AFAP1L1: variants seen among roughly 807,000 people sequenced by gnomAD.
The protein encoded by AFAP1L1 is actin filament associated protein 1 like 1, also known as actin filament-associated protein 1-like 1.
Under a neutral mutation model 99.8 loss-of-function variants are expected in AFAP1L1, and 77 were observed. That is an observed-to-expected ratio of 0.77 (90% CI 0.64 to 0.93). AFAP1L1 has a LOEUF of 0.93. Ranked by LOEUF, AFAP1L1 falls within the 40% of genes least tolerant of loss-of-function variation. AFAP1L1 has a pLI of 0.00. For synonymous variants in AFAP1L1, 373 were observed against 395.3 expected, an observed-to-expected ratio of 0.94 and a Z score of 0.67; for missense variants, 893 against 996.8, an observed-to-expected ratio of 0.90 and a Z score of 1.40.
intron 17 of AFAP1L1, among the ~76,000 whole-genome samples, chr5:149,333,344 G>A (rs1757311361): frequency 6.6e-6 from 1 of 152,220 alleles, no homozygotes; most frequent in Non-Finnish European, 1.5e-5. Flanking sequence ...TGAAGTGGGA[G>A]ACGGGATTCC....
At chr5:149,315,073 G>A (rs940231226) in intron 9 of AFAP1L1, among the ~76,000 whole-genome samples, 5 of 152,194 alleles carry the variant, frequency 3.3e-5, no homozygotes, top group Non-Finnish European at 7.3e-5. Flanking sequence ...TGGTAAGAGA[G>A]TCATCATTGC....
chr5:149,339,813 A>G (rs771757552), intron 18 of AFAP1L1, among the ~76,000 whole-genome samples, 194 bp from the exon 19 acceptor site: 1 of 152,208 alleles, frequency 6.6e-6, no homozygotes, highest in Non-Finnish European at 1.5e-5. Flanking sequence ...TATGTTGAGA[A>G]TGGATGAAGG....
chr5:149,329,229 C>T, intron 15 of AFAP1L1, among the ~76,000 whole-genome samples: 1 of 152,152 alleles, frequency 6.6e-6, no homozygotes, highest in East Asian at 1.9e-4. Context: ...TTTCATTAAT[C>T]ATCTCATTTA....
chr5:149,338,405 A>C (rs1757467769), intron 18 of AFAP1L1, among the ~76,000 whole-genome samples: 1 of 152,184 alleles, frequency 6.6e-6, no homozygotes, highest in African/African-American at 2.4e-5. Context: ...GGGTGAGGCT[A>C]CAGTGAGCCC....
At chr5:149,317,030 T>C (rs1756817094) in intron 11 of AFAP1L1, among the ~76,000 whole-genome samples, 1 of 151,750 alleles carries the variant, frequency 6.6e-6, no homozygotes, top group Non-Finnish European at 1.5e-5. Flanking sequence ...CCAGGCATGG[T>C]GGTGTATGCC....
chr5:149,299,785 C>A (rs980881896), intron 2 of AFAP1L1, 148 bp downstream of exon 2: 8 of 1,288,604 alleles, frequency 6.2e-6, no homozygotes, highest in Admixed American at 2.6e-5. Flanking sequence ...CTGGACACAG[C>A]GTCCAATGCA....
chr5:149,316,740 A>C (rs1756809931), intron 11 of AFAP1L1, among the ~76,000 whole-genome samples: 1 of 152,370 alleles, frequency 6.6e-6, no homozygotes, highest in South Asian at 2.1e-4. Context: ...ATGTGAATTA[A>C]AGGTGATTTG....
At chr5:149,331,506 G>T (rs1187790334) in intron 16 of AFAP1L1, among the ~76,000 whole-genome samples, 2 of 151,854 alleles carry the variant, frequency 1.3e-5, no homozygotes, top group East Asian at 3.9e-4. Flanking sequence ...TGTAGTCCCA[G>T]CTACTCAGGA....
Position 149,312,176 on chromosome 5 carries a change from T to A in AFAP1L1, c.992T>A (p.Val331Asp). The A allele has an allele frequency of 6.2e-7, 1 of 1,614,186 alleles. No individual in the cohort carries two copies. Among genetic ancestry groups the A allele is most frequent in the Non-Finnish European group, 8.5e-7 (1 of 1,180,032 alleles). ...GGAGTGGAGGTCCCCAGATCCCCAG[T>A]CCTCCTGTGCAAGTTGGACCTGGAC... ...AEGVEVPRSP[V>D]LLCKLDLDKR... The change falls in exon 9 of 19, where the codon GTC becomes GAC. Residue 331 changes from valine to aspartate, a missense_variant. Transcript: ENST00000296721.
intron 9 of AFAP1L1, among the ~76,000 whole-genome samples, chr5:149,315,227 G>GGTGTGTGC (rs1296770290): frequency 4.8e-4 from 73 of 152,206 alleles, no homozygotes; most frequent in African/African-American, 1.6e-3. Context: ...TGGGTGTGTG[G>GGTGTGTGC]GTGTGTGTCC....
rs1489468260 is a variant in AFAP1L1, at chr5:149,317,879, G to A, written c.1418G>A (p.Gly473Glu). Residue 473 changes from glycine to glutamate, a missense_variant, in exon 12 of 19, where the codon GGG (glycine) becomes GAG (glutamate). Transcript: ENST00000296721. ...LQGCEVAPGF[G>E]PRHPFAFRIL... ...GGCTGTGAGGTGGCCCCGGGCTTTG[G>A]GCCCCGACACCCATTTGCCTTCAGG... The A allele has an allele frequency of 1.9e-6, 3 of 1,600,666 alleles. No individual in the cohort carries two copies. Among genetic ancestry groups the A allele is most frequent in the Middle Eastern group, 1.7e-4 (1 of 6,042 alleles).
chr5:149,317,931 C>G lies in AFAP1L1; in HGVS notation c.1470C>G (p.Ala490=), dbSNP rs1756846785. The G allele has an allele frequency of 6.4e-7, 1 of 1,570,212 alleles. No homozygotes were observed. The highest frequency in any genetic ancestry group is 1.9e-5 in the Admixed American group (1 of 53,134). The change falls in exon 12 of 19, where the codon GCC becomes GCG. Residue 490 remains alanine (A), a synonymous_variant. Coordinates refer to ENST00000296721, the MANE Select transcript of AFAP1L1 (RefSeq NM_152406.4). ...TCCTGCGCAACCGGCAGGAGGTGGCCATCTTGGAGGTGAGAGGAGAGGGTG... is the reference window on the plus strand; with the variant it reads ...TCCTGCGCAACCGGCAGGAGGTGGCGATCTTGGAGGTGAGAGGAGAGGGTG... ...FRILRNRQEV[A]ILEASCSEDM...
chr5:149,296,483 G>A (rs1756021481), intron 1 of AFAP1L1, among the ~76,000 whole-genome samples: 1 of 152,226 alleles, frequency 6.6e-6, no homozygotes, highest in Non-Finnish European at 1.5e-5. Context: ...AGTCGTGGCT[G>A]CAGGGCCACA....
chr5:149,289,213 A>G (rs145881230), intron 1 of AFAP1L1, among the ~76,000 whole-genome samples: 62 of 152,262 alleles, frequency 4.1e-4, no homozygotes, highest in African/African-American at 1.5e-3. Context: ...CCAAGTCCCA[A>G]ATTCTTCCCA....
chr5:149,317,933 T>C lies in AFAP1L1; in HGVS notation c.1472T>C (p.Ile491Thr), dbSNP rs747660162. The C allele has an allele frequency of 3.8e-5, 59 of 1,569,502 alleles. No homozygotes were observed. The highest frequency in any genetic ancestry group is 4.8e-5 in the Non-Finnish European group (56 of 1,157,080). ...CTGCGCAACCGGCAGGAGGTGGCCATCTTGGAGGTGAGAGGAGAGGGTGGG... is the reference window on the plus strand; with the variant it reads ...CTGCGCAACCGGCAGGAGGTGGCCACCTTGGAGGTGAGAGGAGAGGGTGGG... ...RILRNRQEVA[I>T]LEASCSEDMG... is the part of the protein sequence containing the mutation. Residue 491 changes from isoleucine to threonine, a missense_variant, in exon 12 of 19, where the codon ATC becomes ACC. Physicochemically the swap from Ile to Thr is moderately conservative, Grantham distance 89. Coordinates refer to ENST00000296721, the MANE Select transcript of AFAP1L1 (RefSeq NM_152406.4).
At chr5:149,331,687 G>A (rs1362358367) in intron 16 of AFAP1L1, among the ~76,000 whole-genome samples, 1 of 152,108 alleles carries the variant, frequency 6.6e-6, no homozygotes, top group Non-Finnish European at 1.5e-5. Context: ...GTAAAGCCCT[G>A]CTATGACACT....
At chr5:149,314,188 G>A (rs1053044334) in intron 9 of AFAP1L1, among the ~76,000 whole-genome samples, 1 of 152,260 alleles carries the variant, frequency 6.6e-6, no homozygotes, top group African/African-American at 2.4e-5. Context: ...CATGTGCCCA[G>A]GTGGATGCAG....
chr5:149,300,389 C>T (rs1187278425), intron 3 of AFAP1L1, 35 bp downstream of exon 3: 5 of 1,578,734 alleles, frequency 3.2e-6, no homozygotes, highest in Non-Finnish European at 4.3e-6. Context: ...GCTACGGAGC[C>T]ATCCCTCTTT....
chr5:149,326,536 C>T (rs1430364370), intron 15 of AFAP1L1, among the ~76,000 whole-genome samples: 7 of 91,016 alleles, frequency 7.7e-5, no homozygotes, highest in South Asian at 4.7e-4. Context: ...GAGACCCTGT[C>T]GCCAAAAATA....
Sources: gnomAD v4.1 joint callset for allele counts (sites outside exome capture counted in the v4.1 genomes callset) on GRCh38, gnomAD v4.1.1 for gene constraint, MANE v1.5 for transcripts, NCBI Gene and HGNC (gene_info 2026-07-23, HGNC 2026-07-21) for gene names.